The following RIMS2 variants were observed in gnomAD, a reference collection of about 807,000 sequenced individuals.
RIMS2 encodes the protein regulating synaptic membrane exocytosis 2, also known as regulating synaptic membrane exocytosis protein 2.
Under a neutral mutation model 174.4 loss-of-function variants are expected in RIMS2, and 59 were observed. That is an observed-to-expected ratio of 0.34 (90% confidence interval 0.27 to 0.42). The LOEUF is 0.42. Ranked by LOEUF, RIMS2 falls within the 10% of genes least tolerant of loss-of-function variation. RIMS2 has a pLI of 1.00. For missense variants in RIMS2, 1,620 were observed against 1,666.3 expected, an observed-to-expected ratio of 0.97 and a Z score of 0.48; for synonymous variants, 606 against 572.5, an observed-to-expected ratio of 1.06 and a Z score of -0.84.
intron 19 of RIMS2, among the ~76,000 whole-genome samples, 183 bp downstream of exon 25, chr8:104,149,031 G>A (rs1050262564): frequency 1.4e-4 from 22 of 152,282 alleles, no homozygotes; most frequent in African/African-American, 4.3e-4. Context: ...TGATCAATGA[G>A]CCTGCTTCCA....
chr8:103,977,833 A>C (rs887296756), intron 16 of RIMS2, among the ~76,000 whole-genome samples: 1 of 152,242 alleles, frequency 6.6e-6, no homozygotes, highest in South Asian at 2.1e-4. Context: ...TTATTATAAA[A>C]GATATTTTTA....
intron 19 of RIMS2, among the ~76,000 whole-genome samples, chr8:104,075,099 A>T (rs571530285): frequency 6.6e-6 from 1 of 152,292 alleles, no homozygotes; most frequent in South Asian, 2.1e-4. Flanking sequence ...TGCTGTTAGT[A>T]TGTAACTCAG....
intron 3 of RIMS2, among the ~76,000 whole-genome samples, chr8:103,817,379 A>T (rs764095087): frequency 2.4e-4 from 36 of 152,362 alleles, no homozygotes; most frequent in Non-Finnish European, 8.8e-5. Context: ...GTAAAAAAAT[A>T]GAATCACAGG....
At chr8:103,544,875 A>G (rs1844268812) in intron 1 of RIMS2, among the ~76,000 whole-genome samples, 1 of 152,204 alleles carries the variant, frequency 6.6e-6, no homozygotes, top group African/African-American at 2.4e-5. Flanking sequence ...CAAAGAAGAT[A>G]TAAGAAAAAA....
chr8:104,224,982 C>T (rs1412278483), intron 19 of RIMS2, among the ~76,000 whole-genome samples: 1 of 152,122 alleles, frequency 6.6e-6, no homozygotes, highest in Non-Finnish European at 1.5e-5. Flanking sequence ...CATACTAGTC[C>T]TTTTCTGTTT....
chr8:103,693,921 T>C (rs1257919226), intron 1 of RIMS2, among the ~76,000 whole-genome samples: 1 of 152,084 alleles, frequency 6.6e-6, no homozygotes, highest in Non-Finnish European at 1.5e-5. Context: ...TAGGTGTTGG[T>C]ATGGTGTTAG....
chr8:103,984,030 C>T, intron 16 of RIMS2, among the ~76,000 whole-genome samples: 1 of 151,934 alleles, frequency 6.6e-6, no homozygotes, highest in Middle Eastern at 3.2e-3. Flanking sequence ...AAAAAAATAG[C>T]AGGCGTGGTG....
intron 1 of RIMS2, among the ~76,000 whole-genome samples, chr8:103,688,933 G>A (rs7014799): frequency 0.18 from 26,722 of 151,680 alleles, 2,557 homozygotes; most frequent in African/African-American, 0.23. Context: ...TTCTTTGGTC[G>A]TAATTTTAGG....
rs1415394695 is a variant in RIMS2, at chr8:104,064,885, C to T, written c.3334+50270C>T. On this transcript the variant is annotated intron_variant, in intron 19 of 23. Transcript: ENST00000504942. ...AATGTTTTGATATTTGATTTGATTT[C>T]TAAGATATAATGACCCTAATTTTTT... 2.0e-5 allele frequency among the ~76,000 whole-genome samples: 3 copies of T among 151,868 alleles called. No homozygotes were observed. The East Asian group carries it at 5.8e-4, about 29-fold the overall frequency.
intron 19 of RIMS2, among the ~76,000 whole-genome samples, chr8:104,162,412 G>T (rs536517752): frequency 6.6e-6 from 1 of 152,072 alleles, no homozygotes; most frequent in South Asian, 2.1e-4. Context: ...AATGTAATTA[G>T]CAATAGCATG....
chr8:104,070,958 C>T (rs914359940), intron 19 of RIMS2, among the ~76,000 whole-genome samples: 3 of 152,130 alleles, frequency 2.0e-5, no homozygotes, highest in Middle Eastern at 3.4e-3. Context: ...TGTAAGATCC[C>T]ACATACCCAT....
At chr8:103,779,525 C>T (rs952954824) in intron 3 of RIMS2, among the ~76,000 whole-genome samples, 4 of 151,994 alleles carry the variant, frequency 2.6e-5, no homozygotes, top group Non-Finnish European at 5.9e-5. Flanking sequence ...TATGAATGTT[C>T]TTGGTGCCTT....
chr8:104,172,057 C>G (rs1320960022), intron 19 of RIMS2, among the ~76,000 whole-genome samples: 1 of 152,120 alleles, frequency 6.6e-6, no homozygotes, highest in Admixed American at 6.6e-5. Flanking sequence ...CTCATTTTCT[C>G]ATGGTATATA....
chr8:104,081,275 C>G (rs1466617283), intron 19 of RIMS2, among the ~76,000 whole-genome samples: 1 of 151,788 alleles, frequency 6.6e-6, no homozygotes, highest in African/African-American at 2.4e-5. Context: ...AATAAAATCA[C>G]CTGAATTTTA....
intron 3 of RIMS2, among the ~76,000 whole-genome samples, chr8:103,826,356 C>G (rs2098790934): frequency 6.6e-6 from 1 of 150,618 alleles, no homozygotes; most frequent in Non-Finnish European, 1.5e-5. Flanking sequence ...TGAGTTTTAG[C>G]TTTTTGGTTC....
intron 2 of RIMS2, among the ~76,000 whole-genome samples, chr8:103,717,877 G>A (rs935078002): frequency 3.3e-5 from 5 of 152,082 alleles, no homozygotes; most frequent in Non-Finnish European, 5.9e-5. Flanking sequence ...CATATAGCTA[G>A]CTATTGAACA....
intron 19 of RIMS2, among the ~76,000 whole-genome samples, chr8:104,169,010 G>C (rs1340628004): frequency 2.0e-5 from 3 of 151,928 alleles, no homozygotes; most frequent in Non-Finnish European, 4.4e-5. Context: ...CTCGATCGTA[G>C]TGTATTATCT....
At chr8:103,558,038 G>T (rs1365298409) in intron 1 of RIMS2, among the ~76,000 whole-genome samples, 2 of 151,888 alleles carry the variant, frequency 1.3e-5, no homozygotes, top group African/African-American at 4.8e-5. Flanking sequence ...TTTTCAAAAA[G>T]GTGCATAAAG....
At chr8:104,230,054 C>T (rs537072381) in intron 19 of RIMS2, among the ~76,000 whole-genome samples, 104 of 151,698 alleles carry the variant, frequency 6.9e-4, no homozygotes, top group African/African-American at 2.3e-3. Context: ...CTGAGGTGGG[C>T]GGATCACCTG....
Sources: allele counts gnomAD v4.1 joint callset (sites outside exome capture counted in the v4.1 genomes callset), GRCh38; gene constraint gnomAD v4.1.1; transcripts MANE v1.5; gene names NCBI Gene and HGNC (gene_info 2026-07-23, HGNC 2026-07-21).